PPM1H: variants seen among roughly 807,000 people sequenced by gnomAD.
PPM1H encodes the protein protein phosphatase 1H.
In PPM1H, 27 loss-of-function variants were observed where a neutral mutation model predicts 54.9. The observed-to-expected ratio is 0.49, with a 90% confidence interval of 0.36 to 0.68. The LOEUF (loss-of-function observed/expected upper bound fraction) is 0.68. Among genes scored for constraint, PPM1H ranks in the 30% least tolerant of loss-of-function variants. The probability of loss-of-function intolerance (pLI) is 0.00; values close to 1 mark genes in which losing one functional copy is unlikely to be tolerated. For missense variants in PPM1H, 596 were observed against 667.8 expected, an observed-to-expected ratio of 0.89 and a Z score of 1.19; for synonymous variants, 305 against 270.8, an observed-to-expected ratio of 1.13 and a Z score of -1.24.
chr12:62,830,657 C>G lies in PPM1H; in HGVS notation c.411+1457G>C, dbSNP rs79927829. Among the ~76,000 whole-genome samples, 711 of 152,320 alleles carry G rather than the reference C, an allele frequency of 4.7e-3. 5 individuals carry two copies. Among genetic ancestry groups the G allele is most frequent in the African/African-American group, 0.017 (686 of 41,566 alleles). ...CTGCACAGTCATCTCACTCCAGGGC[C>G]TGGGCACTTAACCATCACCATTCTA... On this transcript the variant is annotated intron_variant, in intron 2 of 9. Coordinates refer to ENST00000228705, the MANE Select transcript of PPM1H (RefSeq NM_020700.2).
chr12:62,683,043 T>C (rs1313189354), intron 8 of PPM1H, among the ~76,000 whole-genome samples: 1 of 59,096 alleles, frequency 1.7e-5, no homozygotes, highest in Non-Finnish European at 3.1e-5. Context: ...TTTATTATTA[T>C]TATTATTATT....
At chr12:62,909,409 C>A (rs1453316561) in intron 1 of PPM1H, among the ~76,000 whole-genome samples, 1 of 152,186 alleles carries the variant, frequency 6.6e-6, no homozygotes, top group African/African-American at 2.4e-5. Context: ...CATCTAATCT[C>A]CTCTGGACCC....
chr12:62,794,091 T>A (rs908295992), intron 3 of PPM1H, among the ~76,000 whole-genome samples: 9 of 152,182 alleles, frequency 5.9e-5, no homozygotes, highest in Non-Finnish European at 1.3e-4. Flanking sequence ...CAGTTTATTC[T>A]GAGAACAAGG....
rs527787054 is a variant in PPM1H at position 62,693,805 on chromosome 12, T to C, written c.1137+131A>G. The C allele has an allele frequency of 1.5e-4, 117 of 786,036 alleles. 1 individual carries two copies. The African/African-American group carries it at 2.0e-3, about 13-fold the overall frequency. The allele number at this position is 786,036 out of a possible 1,614,324, so 48.7% of individuals were successfully genotyped here. ...GAGGCCTGAAGGATGATGGATGGGA[T>C]ATGCTTTCAAGCTGTCAAGGCTATA... On this transcript the variant is annotated intron_variant, in intron 7 of 9. Transcript: ENST00000228705.
chr12:62,823,221 A>G (rs1256528036), intron 2 of PPM1H, among the ~76,000 whole-genome samples: 2 of 152,200 alleles, frequency 1.3e-5, no homozygotes, highest in African/African-American at 4.8e-5. Flanking sequence ...GAATAGACCA[A>G]TAACAGGCTC....
chr12:62,670,250 T>G (rs1208026447), intron 8 of PPM1H, among the ~76,000 whole-genome samples: 1 of 152,094 alleles, frequency 6.6e-6, no homozygotes, highest in Non-Finnish European at 1.5e-5. Flanking sequence ...GTACTGGGAT[T>G]ACAGGCATGA....
Position 62,693,918 on chromosome 12 carries a change from G to A in PPM1H, c.1137+18C>T. On this transcript the variant is annotated intron_variant, in intron 7 of 9. Transcript: ENST00000228705. ...CAGAGCCCTGTCCTCTCTACCCAGG[G>A]GAAGCACACGTGCCTACCTTCTTGC... is the stretch of plus-strand genomic sequence containing the variant. 1 of 1,607,884 alleles carries A rather than the reference G, an allele frequency of 6.2e-7. No homozygotes were observed. The highest frequency in any genetic ancestry group is 8.5e-7 in the Non-Finnish European group (1 of 1,176,524).
At chr12:62,814,683 G>A (rs1211758619) in intron 2 of PPM1H, among the ~76,000 whole-genome samples, 1 of 152,164 alleles carries the variant, frequency 6.6e-6, no homozygotes, top group African/African-American at 2.4e-5. Flanking sequence ...AACCGGTGGA[G>A]GGGCCATATC....
chr12:62,693,889 G>A (rs751195911), intron 7 of PPM1H, 47 bp downstream of exon 7: 20 of 1,541,976 alleles, frequency 1.3e-5, no homozygotes, highest in South Asian at 4.6e-5. Flanking sequence ...GAGCGAAGGC[G>A]GGACAGAGCC....
chr12:62,744,241 T>G (rs1289702266), intron 4 of PPM1H, among the ~76,000 whole-genome samples: 1 of 147,866 alleles, frequency 6.8e-6, no homozygotes, highest in East Asian at 2.0e-4. Context: ...GAGGCCGAGG[T>G]GAGTGGATCA....
chr12:62,921,338 T>G (rs529007460), intron 1 of PPM1H, among the ~76,000 whole-genome samples: 25 of 152,246 alleles, frequency 1.6e-4, no homozygotes, highest in African/African-American at 6.0e-4. Flanking sequence ...AGCTTAAATG[T>G]CTATTTATCA....
At chr12:62,667,421 G>T in intron 8 of PPM1H, 92 bp from the exon 9 acceptor site, 3 of 1,176,030 alleles carry the variant, frequency 2.6e-6, no homozygotes, top group Non-Finnish European at 3.5e-6. Flanking sequence ...CCCTTTTCCT[G>T]CCCAGCCTAG....
Position 62,755,928 on chromosome 12 carries a change from G to A in PPM1H, c.870-18342C>T, listed in dbSNP as rs2076471849. The stretch of plus-strand genomic sequence containing the variant: ...GGGAAGTTCACTGGCATGGCCTTCT[G>A]TGTCCCTACTGCCAATGTGTCAGTT... On this transcript the variant is annotated intron_variant, in intron 4 of 9. Transcript: ENST00000228705. 6.2e-6 allele frequency: 5 copies of A among 812,122 alleles called. No individual in the cohort carries two copies. In the East Asian group the frequency reaches 1.3e-4, roughly 20 times the overall value. The allele number at this position is 812,122 out of a possible 1,614,324, so 50.3% of individuals were successfully genotyped here. A position where few individuals can be genotyped will look rare whatever the true frequency, so the allele number is the denominator to read the frequency against.
intron 4 of PPM1H, among the ~76,000 whole-genome samples, chr12:62,767,129 T>C (rs1221551159): frequency 6.6e-6 from 1 of 151,882 alleles, no homozygotes; most frequent in African/African-American, 2.4e-5. Flanking sequence ...AGGGGAGAGG[T>C]GACTGGAGGA....
At position 62,648,552 on chromosome 12, in the gene PPM1H, C is replaced by CA; in HGVS notation, c.1481dup (p.Ser496LeufsTer81). On this transcript the variant is annotated frameshift_variant, in exon 10 of 10. Transcript: ENST00000228705. LOFTEE classifies it high-confidence loss of function. ...ATACAGAAATGTCGTCTCCTGAGCC[C>CA]AGTCGGTCATTAGATATCCGCCATC... The CA allele has an allele frequency of 6.2e-7, 1 of 1,613,972 alleles. No individual in the cohort carries two copies. Among genetic ancestry groups the CA allele is most frequent in the Non-Finnish European group, 8.5e-7 (1 of 1,179,876 alleles).
At chr12:62,813,061 G>T (rs1236110647) in intron 2 of PPM1H, among the ~76,000 whole-genome samples, 1 of 151,892 alleles carries the variant, frequency 6.6e-6, no homozygotes, top group Non-Finnish European at 1.5e-5. Context: ...TAGCCATCTG[G>T]GTGGTTGTGA....
At chr12:62,687,657 T>C (rs770065652) in intron 8 of PPM1H, among the ~76,000 whole-genome samples, 1 of 151,988 alleles carries the variant, frequency 6.6e-6, no homozygotes, top group East Asian at 1.9e-4. Flanking sequence ...GGGAAGTACA[T>C]GCAAATAGAG....
At chr12:62,857,485 T>A (rs1869433494) in intron 1 of PPM1H, among the ~76,000 whole-genome samples, 1 of 152,202 alleles carries the variant, frequency 6.6e-6, no homozygotes, top group African/African-American at 2.4e-5. Flanking sequence ...TTTATTCACA[T>A]AATAGGTAAG....
intron 1 of PPM1H, among the ~76,000 whole-genome samples, chr12:62,909,684 G>T (rs965973453): frequency 2.6e-5 from 4 of 152,104 alleles, no homozygotes; most frequent in South Asian, 2.1e-4. Flanking sequence ...TCATTCTTTG[G>T]ACTCTTCCCT....
Sources: gnomAD v4.1 joint callset for allele counts (sites outside exome capture counted in the v4.1 genomes callset) on GRCh38, gnomAD v4.1.1 for gene constraint, MANE v1.5 for transcripts, NCBI Gene and HGNC (gene_info 2026-07-23, HGNC 2026-07-21) for gene names.